CSMD2: variants seen among roughly 807,000 people sequenced by gnomAD.
The protein encoded by CSMD2 is CUB and Sushi multiple domains 2.
Under a neutral mutation model 398.5 loss-of-function variants are expected in CSMD2, and 130 were observed. That is an observed-to-expected ratio of 0.33 (90% CI 0.28 to 0.38). The LOEUF (loss-of-function observed/expected upper bound fraction) is 0.38, where lower values mean the gene tolerates loss of function less well. Among genes scored for constraint, CSMD2 ranks in the 10% least tolerant of loss-of-function variants. The probability of loss-of-function intolerance (pLI) is 1.00; values close to 1 mark genes in which losing one functional copy is unlikely to be tolerated. For synonymous variants in CSMD2, 1,828 were observed against 1,908.5 expected, an observed-to-expected ratio of 0.96 and a Z score of 1.10; for missense variants, 3,829 against 4,764.9, an observed-to-expected ratio of 0.80 and a Z score of 5.78.
intron 3 of CSMD2, among the ~76,000 whole-genome samples, chr1:33,943,925 T>TACACACACACACAC (rs57400434): frequency 4.2e-5 from 6 of 144,312 alleles, no homozygotes; most frequent in African/African-American, 1.5e-4. Flanking sequence ...TAATCAGAAT[T>TACACACACACACAC]ACACACACAC....
intron 1 of CSMD2, among the ~76,000 whole-genome samples, chr1:34,134,645 T>C (rs1409078091): frequency 6.6e-6 from 1 of 152,110 alleles, no homozygotes; most frequent in Non-Finnish European, 1.5e-5. Flanking sequence ...TAAACACAGG[T>C]CCAAACTGCA....
intron 3 of CSMD2, among the ~76,000 whole-genome samples, chr1:34,029,797 T>G (rs1034466181): frequency 6.6e-6 from 1 of 152,248 alleles, no homozygotes; most frequent in Non-Finnish European, 1.5e-5. Flanking sequence ...GTCTAGCCTT[T>G]GCAGGGGCCT....
rs147528807 is a variant in CSMD2 at position 33,625,165 on chromosome 1, T to C, written c.5386A>G (p.Ile1796Val). 1.4e-3 allele frequency: 2,157 copies of C among 1,562,972 alleles called. 3 individuals are homozygous for C. The highest frequency in any genetic ancestry group is 1.7e-3 in the Middle Eastern group (10 of 5,958). ...CCGGAGTTGCATTCGAAGCGGACGA[T>C]GGCCCCCACCGAGAAGTCACTGCCC... is the stretch of plus-strand genomic sequence containing the variant. Reference protein sequence around the residue: ...RLGSDFSVGAIVRFECNSGYA... With the variant: ...RLGSDFSVGAVVRFECNSGYA... The change falls in exon 34 of 71, where the codon ATC becomes GTC. Residue 1796 changes from isoleucine to valine, a missense_variant. Transcript: ENST00000373381.
intron 1 of CSMD2, among the ~76,000 whole-genome samples, chr1:34,100,091 A>AT (rs1174246113): frequency 3.3e-5 from 5 of 152,088 alleles, no homozygotes; most frequent in African/African-American, 1.2e-4. Context: ...TTTTTCTGAG[A>AT]TTTTTTTCCA....
chr1:34,045,536 A>G (rs80035262), intron 2 of CSMD2, among the ~76,000 whole-genome samples: 1 of 152,286 alleles, frequency 6.6e-6, no homozygotes, highest in East Asian at 1.9e-4. Flanking sequence ...GGCTCTGCAA[A>G]CCTCTGCTTT....
rs571059058 is a variant in CSMD2, at chr1:34,094,629, C to T, written c.188-5436G>A. Among the ~76,000 whole-genome samples the T allele has an allele frequency of 1.8e-3, 269 of 152,220 alleles. 3 individuals are homozygous for T. The highest frequency in any genetic ancestry group is 0.017 in the South Asian group (81 of 4,808). On this transcript the variant is annotated intron_variant, in intron 1 of 70. Transcript: ENST00000373381. ...CAATCCTAGTCTCTGATAAAACAGA[C>T]TTTAAACCAACAAAGATCAAAAGAG...
chr1:33,665,486 T>G (rs997671401), intron 25 of CSMD2, among the ~76,000 whole-genome samples: 1 of 144,818 alleles, frequency 6.9e-6, no homozygotes, highest in African/African-American at 2.6e-5. Flanking sequence ...TTTTTTTTTT[T>G]GCGACAGGGC....
intron 44 of CSMD2, chr1:33,599,769 G>T (rs1007919728): frequency 5.6e-6 from 1 of 178,330 alleles, no homozygotes; most frequent in Non-Finnish European, 1.2e-5. Context: ...CACCCTGGAC[G>T]ATAGCTCCTG....
chr1:33,946,766 G>A (rs376570889), intron 3 of CSMD2, among the ~76,000 whole-genome samples: 1,839 of 120,000 alleles, frequency 0.015, 43 homozygotes, highest in African/African-American at 0.061. Flanking sequence ...TTACAGGCGC[G>A]CACCACCCAC....
At chr1:33,772,158 C>G (rs759528365) in intron 13 of CSMD2, 1 of 159,564 alleles carries the variant, frequency 6.3e-6, no homozygotes, top group Non-Finnish European at 1.4e-5. Context: ...CCCACAGTTA[C>G]TGGAGGCTGG....
intron 6 of CSMD2, among the ~76,000 whole-genome samples, chr1:33,827,172 C>T (rs1241201797): frequency 6.6e-6 from 1 of 152,204 alleles, no homozygotes; most frequent in Non-Finnish European, 1.5e-5. Flanking sequence ...GTCCTTAGCA[C>T]AAGAACCAGA....
In CSMD2 at chr1:33,829,657, C is replaced by T. The variant is rs376424253; in HGVS notation, c.1034-3883G>A. ...ACTAGGAAGTGCTAGACAGTGGGCGCAGGACAGTGGGTGCAGCGCACCGTG... is the reference window on the plus strand; with the variant it reads ...ACTAGGAAGTGCTAGACAGTGGGCGTAGGACAGTGGGTGCAGCGCACCGTG... On this transcript the variant is annotated intron_variant, in intron 6 of 70. Transcript: ENST00000373381. Among the ~76,000 whole-genome samples, 21 of 152,292 alleles carry T rather than the reference C, an allele frequency of 1.4e-4. No individual in the cohort carries two copies. The East Asian group carries it at 3.7e-3, about 27-fold the overall frequency.
intron 3 of CSMD2, among the ~76,000 whole-genome samples, chr1:33,984,705 T>A (rs191297571): frequency 3.9e-4 from 60 of 152,088 alleles, no homozygotes; most frequent in Admixed American, 2.2e-3. Flanking sequence ...ATCCCTTGGG[T>A]CCAGAAGTTG....
At chr1:33,810,622 A>G in intron 10 of CSMD2, 121 bp downstream of exon 10, 1 of 991,958 alleles carries the variant, frequency 1.0e-6, no homozygotes, top group South Asian at 1.7e-5. Flanking sequence ...AAAAAAAAGT[A>G]AAAGAACTGT....
chr1:33,714,640 G>A lies in CSMD2; in HGVS notation c.3353C>T (p.Thr1118Met), dbSNP rs1297243071. The change falls in exon 21 of 71, where the codon ACG (threonine) becomes ATG (methionine). Residue 1118 changes from threonine to methionine, a missense_variant. By Grantham distance (81) the Thr-to-Met change is moderately conservative (BLOSUM62 -1). Coordinates refer to ENST00000373381, the MANE Select transcript of CSMD2 (RefSeq NM_001281956.2). Reference protein sequence around the residue: ...GYRLEGTARITCLGGRRRLWS... With the variant: ...GYRLEGTARIMCLGGRRRLWS... ...CAGGCGCCGTCTGCCCCCCAGGCAC[G>A]TGATGCGGGCGGTGCCCTCCAGACG... 20 of 1,613,994 alleles carry A rather than the reference G, an allele frequency of 1.2e-5. No individual in the cohort carries two copies. The highest frequency in any genetic ancestry group is 2.2e-5 in the East Asian group (1 of 44,878).
chr1:33,578,087 T>A (rs1638422046), intron 48 of CSMD2, among the ~76,000 whole-genome samples: 1 of 152,170 alleles, frequency 6.6e-6, no homozygotes, highest in South Asian at 2.1e-4. Flanking sequence ...CAGTAAGTGG[T>A]CATTGTCCTT....
chr1:34,110,467 A>G (rs897432820), intron 1 of CSMD2, among the ~76,000 whole-genome samples: 1 of 152,192 alleles, frequency 6.6e-6, no homozygotes, highest in South Asian at 2.1e-4. Flanking sequence ...AGTAGGCTGG[A>G]TAAAGAAAAT....
intron 25 of CSMD2, among the ~76,000 whole-genome samples, chr1:33,689,207 G>A (rs1168308017): frequency 6.6e-6 from 1 of 152,104 alleles, no homozygotes; most frequent in African/African-American, 2.4e-5. Flanking sequence ...GGCTGGGATG[G>A]CAGACTGGGG....
intron 13 of CSMD2, among the ~76,000 whole-genome samples, chr1:33,766,544 T>C (rs1226483072): frequency 6.6e-6 from 1 of 152,232 alleles, no homozygotes; most frequent in Non-Finnish European, 1.5e-5. Flanking sequence ...ATTTATATAA[T>C]GGTGTCTATC....
Sources: allele counts gnomAD v4.1 joint callset (sites outside exome capture counted in the v4.1 genomes callset), GRCh38; gene constraint gnomAD v4.1.1; transcripts MANE v1.5; gene names NCBI Gene and HGNC (gene_info 2026-07-23, HGNC 2026-07-21).